RECQL5: variants seen among roughly 807,000 people sequenced by gnomAD.
RECQL5 encodes the protein RecQ like helicase 5.
In RECQL5, 88 loss-of-function variants were observed where a neutral mutation model predicts 103.4. That is an observed-to-expected ratio of 0.85 (90% CI 0.72 to 1.02). The LOEUF (loss-of-function observed/expected upper bound fraction) is 1.02. RECQL5 is among the 50% of genes least tolerant of loss of function. The pLI is 0.00. For missense variants in RECQL5, 1,232 were observed against 1,284.3 expected (o/e 0.96, Z 0.62); for synonymous variants, 552 against 507.9 (o/e 1.09, Z -1.17).
intron 8 of RECQL5, chr17:75,633,884 A>G: frequency 1.0e-6 from 1 of 992,130 alleles, no homozygotes; most frequent in Non-Finnish European, 1.2e-6. Flanking sequence ...AGGAGGAGGA[A>G]GGAGGAGGAG....
At chr17:75,644,056 C>T (rs1280566011) in intron 8 of RECQL5, among the ~76,000 whole-genome samples, 2 of 152,232 alleles carry the variant, frequency 1.3e-5, no homozygotes, top group Non-Finnish European at 2.9e-5. Flanking sequence ...GTAATCCCAG[C>T]ACTTTGGGAG....
intron 8 of RECQL5, chr17:75,633,742 T>G (rs2059265570): frequency 4.7e-6 from 5 of 1,066,554 alleles, no homozygotes; most frequent in Non-Finnish European, 5.7e-6. Context: ...CTGAGAGCGC[T>G]GCAGGACTCC....
In RECQL5 at chr17:75,627,386, G is replaced by A. The variant is rs1012484006; in HGVS notation, c.*36C>T. ...CCCAGGATGACCCATGCTAGAATCT[G>A]GGGGAGGACGCGGGCCCTGCCCAGC... On this transcript the variant is annotated 3_prime_UTR_variant, in exon 20 of 20. Coordinates refer to ENST00000317905, the MANE Select transcript of RECQL5 (RefSeq NM_004259.7). The A allele has an allele frequency of 6.6e-7, 1 of 1,504,810 alleles. No individual in the cohort carries two copies. Among genetic ancestry groups the A allele is most frequent in the Non-Finnish European group, 9.2e-7 (1 of 1,082,068 alleles). 93.2% of individuals were successfully genotyped at this position (1,504,810 alleles called of 1,614,324 possible).
chr17:75,633,398 G>A, intron 8 of RECQL5: 1 of 1,273,736 alleles, frequency 7.9e-7, no homozygotes. Flanking sequence ...CCTGGACTCT[G>A]GAGCCCTGCC....
chr17:75,650,723 A>G, intron 8 of RECQL5: 1 of 1,612,678 alleles, frequency 6.2e-7, no homozygotes, highest in Non-Finnish European at 8.5e-7. Context: ...CATCGCCTGC[A>G]GATGCAGGTA....
At chr17:75,663,886 C>T (rs569841599) in intron 3 of RECQL5, among the ~76,000 whole-genome samples, 10 of 151,958 alleles carry the variant, frequency 6.6e-5, no homozygotes, top group African/African-American at 2.4e-4. Context: ...GAAACCCTGT[C>T]TCTACTAAAA....
rs113121203 is a variant in RECQL5, at chr17:75,643,122, G to A, written c.1229+8064C>T. 3.9e-4 allele frequency among the ~76,000 whole-genome samples: 59 copies of A among 152,350 alleles called. 1 individual carries two copies. The highest frequency in any genetic ancestry group is 1.7e-3 in the South Asian group (8 of 4,824). Reference sequence around the variant, plus strand: ...GGAAGAAAAACACAGGGTAGTGGACGGACAGGAAACCCTGCATTTTTCATT... The same window carrying A: ...GGAAGAAAAACACAGGGTAGTGGACAGACAGGAAACCCTGCATTTTTCATT... On this transcript the variant is annotated intron_variant, in intron 8 of 19. Transcript: ENST00000317905.
chr17:75,640,476 T>A lies in RECQL5; in HGVS notation c.1230-8808A>T. 1 of 1,304,872 alleles carries A rather than the reference T, an allele frequency of 7.7e-7. No individual in the cohort carries two copies. Among genetic ancestry groups the A allele is most frequent in the Non-Finnish European group, 1.0e-6 (1 of 977,630 alleles). 80.8% of individuals were successfully genotyped at this position (1,304,872 alleles called of 1,614,324 possible). A position where few individuals can be genotyped will look rare whatever the true frequency, so the allele number is the denominator to read the frequency against. On this transcript the variant is annotated intron_variant, in intron 8 of 19. Transcript: ENST00000317905. This position sits in a 1 kb window ranked among gnomAD's most constrained non-coding sequence, Gnocchi z 4.6. Reference sequence around the variant, plus strand: ...TGTCCCTTGGGGGAAGCCAAGGGACTTCCCTCATCCTCTGATATGCTGCTT... The same window carrying A: ...TGTCCCTTGGGGGAAGCCAAGGGACATCCCTCATCCTCTGATATGCTGCTT...
chr17:75,658,406 A>G lies in RECQL5; in HGVS notation c.1041T>C (p.Ser347=). The change falls in exon 7 of 20, where the codon TCT becomes TCC. Residue 347 remains serine (S), a synonymous_variant. Coordinates refer to ENST00000317905, the MANE Select transcript of RECQL5 (RefSeq NM_004259.7). ...AKSMAGYYQE[S]GRAGRDGKPS... is the part of the protein sequence containing the mutation. ...GCTTCCCATCCCTGCCAGCCCGGCC[A>G]GACTCCTGGTAGTACCCAGCCATAG... 6.2e-7 allele frequency: 1 copy of G among 1,614,146 alleles called. No homozygotes were observed. Among genetic ancestry groups the G allele is most frequent in the Non-Finnish European group, 8.5e-7 (1 of 1,179,998 alleles).
chr17:75,634,169 A>C, intron 8 of RECQL5: 7 of 985,452 alleles, frequency 7.1e-6, no homozygotes, highest in African/African-American at 1.7e-5. Context: ...GCGCTGGGGC[A>C]CTGCTGCTCA....
chr17:75,640,877 G>A lies in RECQL5; in HGVS notation c.1230-9209C>T, dbSNP rs1483129972. ...TGAGCGGAGAGGCAGGAAGGTCCAGGTGCAGCCGACACCACCATGACGGAC... is the reference window on the plus strand; with the variant it reads ...TGAGCGGAGAGGCAGGAAGGTCCAGATGCAGCCGACACCACCATGACGGAC... On this transcript the variant is annotated intron_variant, in intron 8 of 19. Transcript: ENST00000317905. The surrounding 1 kb of genome is among the most constrained non-coding windows in gnomAD (Gnocchi z 4.6). The A allele has an allele frequency of 1.9e-6, 3 of 1,546,482 alleles. No individual in the cohort carries two copies. Among genetic ancestry groups the A allele is most frequent in the South Asian group, 2.4e-5 (2 of 84,062 alleles).
At chr17:75,641,597 C>CT (rs2059436241) in intron 8 of RECQL5, among the ~76,000 whole-genome samples, 1 of 152,214 alleles carries the variant, frequency 6.6e-6, no homozygotes, top group African/African-American at 2.4e-5. Flanking sequence ...TCCTGTCATG[C>CT]ATTAGCTGCT....
chr17:75,639,664 G>C (rs995547318), intron 8 of RECQL5: 2 of 152,742 alleles, frequency 1.3e-5, no homozygotes, highest in Admixed American at 1.3e-4. Context: ...GGGAGAGGTT[G>C]GGGGGCCTGG....
chr17:75,652,161 A>G (rs2059564039), intron 7 of RECQL5, among the ~76,000 whole-genome samples: 1 of 152,152 alleles, frequency 6.6e-6, no homozygotes, highest in Admixed American at 6.6e-5. Flanking sequence ...CGGGAGGCAG[A>G]GGCTGCAGTG....
chr17:75,644,162 G>A (rs543764735), intron 8 of RECQL5, among the ~76,000 whole-genome samples: 44 of 152,164 alleles, frequency 2.9e-4, no homozygotes, highest in Non-Finnish European at 4.4e-4. Context: ...AAAATTAGCC[G>A]GGTGTGGTGG....
At chr17:75,628,161 C>G (rs894114351) in intron 18 of RECQL5, 57 bp downstream of exon 18, 2 of 1,451,236 alleles carry the variant, frequency 1.4e-6, no homozygotes, top group Non-Finnish European at 1.9e-6. Context: ...CTCCCACCCC[C>G]ACTACACCCA....
Position 75,628,398 on chromosome 17 carries a change from G to A in RECQL5, c.2625C>T (p.Ala875=), listed in dbSNP as rs750553520. 6.2e-7 allele frequency: 1 copy of A among 1,613,810 alleles called. No homozygotes were observed. The highest frequency in any genetic ancestry group is 1.3e-5 in the African/African-American group (1 of 74,928). ...TGACCTCAGCTACGACGGAGGGCTT[G>A]GCTGAGGGGCGTGGCCTCTTCTGAG... ...SQPQKRPRPS[A]KPSVVAEVKG... The change falls in exon 18 of 20, where the codon GCC becomes GCT. Residue 875 remains alanine, a synonymous_variant. Coordinates refer to ENST00000317905, the MANE Select transcript of RECQL5 (RefSeq NM_004259.7).
chr17:75,652,636 C>T (rs991627008), intron 7 of RECQL5: 1 of 152,420 alleles, frequency 6.6e-6, no homozygotes, highest in African/African-American at 2.4e-5. Context: ...CCCACAGCTC[C>T]TTTGGCTATG....
intron 8 of RECQL5, chr17:75,637,067 C>T (rs1357159697): frequency 6.6e-6 from 1 of 152,268 alleles, no homozygotes; most frequent in East Asian, 1.9e-4. Context: ...CTTTGCAGCC[C>T]CTGGAGGAGG....
Sources: gnomAD v4.1 joint callset for allele counts (sites outside exome capture counted in the v4.1 genomes callset) on GRCh38, gnomAD v4.1.1 for gene constraint, Gnocchi (gnomAD v3.1) non-coding constraint, MANE v1.5 for transcripts, NCBI Gene and HGNC (gene_info 2026-07-23, HGNC 2026-07-21) for gene names.